The following ANKRD30A variants were observed in gnomAD, a reference collection of about 807,000 sequenced individuals.
The protein encoded by ANKRD30A is ankyrin repeat domain 30A.
ANKRD30A carries 170 observed loss-of-function variants against 166.3 expected under a neutral mutation model. The ratio of observed to expected loss-of-function variants is 1.02; its 90% CI spans 0.90 to 1.16. ANKRD30A has a LOEUF of 1.16. Among genes scored for constraint, ANKRD30A ranks in the 50% most tolerant of loss-of-function variants. The pLI is 0.00. For synonymous variants in ANKRD30A, 564 were observed against 508.9 expected (o/e 1.11, Z -1.46); for missense variants, 1,630 against 1,518.0 (o/e 1.07, Z -1.23).
chr10:37,204,863 T>G (rs1841885706), intron 31 of ANKRD30A, among the ~76,000 whole-genome samples: 1 of 152,104 alleles, frequency 6.6e-6, no homozygotes, highest in African/African-American at 2.4e-5. Flanking sequence ...CATCATCACC[T>G]GTCATCAGAG....
the ANKRD30A span, chr10:37,241,408 T>A: frequency 6.6e-6 from 1 of 151,534 alleles, no homozygotes; most frequent in African/African-American, 2.4e-5. Flanking sequence ...AAGGATAATA[T>A]TTTTATATCA....
chr10:37,162,674 C>G lies in ANKRD30A; in HGVS notation c.1926C>G (p.Phe642Leu), dbSNP rs557264466. 4 of 1,612,296 alleles carry G rather than the reference C, an allele frequency of 2.5e-6. No homozygotes were observed. In the Admixed American group the frequency reaches 5.0e-5, roughly 20 times the overall value. ...AGCCTCCGGGGAAGCCATCTGCCTT[C>G]GAGGTATTTAGTTTTATGATTTCAT... is the stretch of plus-strand genomic sequence containing the variant. ...KAEPPGKPSA[F>L]EPATEMQKSV... The change falls in exon 16 of 36, where the codon TTC becomes TTG. Residue 642 changes from phenylalanine to leucine, a missense_variant. Phe to Leu is a conservative substitution (Grantham distance 22). This residue lies in a region of ANKRD30A where 904 missense variants were observed against 818.5 expected (regional missense o/e 1.10). Coordinates refer to ENST00000361713, the MANE Select transcript of ANKRD30A (RefSeq NM_052997.3).
Position 37,193,175 on chromosome 10 carries a change from A to T in ANKRD30A, c.2542-11A>T, listed in dbSNP as rs1840745549. The T allele has an allele frequency of 1.2e-6, 2 of 1,611,660 alleles. No homozygotes were observed. The highest frequency in any genetic ancestry group is 1.7e-6 in the Non-Finnish European group (2 of 1,179,242). Reference sequence around the variant, plus strand: ...TTGTATATTAATTGTTTTGTTTCTAAACCCATTTAGGCTCCCTGCAGAATG... The same window carrying T: ...TTGTATATTAATTGTTTTGTTTCTATACCCATTTAGGCTCCCTGCAGAATG... On this transcript the variant is annotated splice_polypyrimidine_tract_variant and intron_variant, in intron 26 of 35. Transcript: ENST00000361713.
the ANKRD30A span, among the ~76,000 whole-genome samples, chr10:37,253,825 T>C: frequency 6.6e-6 from 1 of 151,980 alleles, no homozygotes; most frequent in African/African-American, 2.4e-5. Context: ...TTTTTTTTTG[T>C]ATTTTTAGTA....
intron 7 of ANKRD30A, 102 bp from the exon 8 acceptor site, chr10:37,144,893 A>C: frequency 1.2e-6 from 1 of 843,910 alleles, no homozygotes; most frequent in Non-Finnish European, 1.8e-6. Flanking sequence ...AGGCTATAGA[A>C]GTAAGTCCAC....
chr10:37,233,123 T>C (rs1307578087), downstream of ANKRD30A, among the ~76,000 whole-genome samples: 1 of 152,086 alleles, frequency 6.6e-6, no homozygotes, highest in Non-Finnish European at 1.5e-5. Flanking sequence ...CTTCATATTC[T>C]AAAAAATTCT....
At chr10:37,204,618 G>T (rs1180311594) in intron 31 of ANKRD30A, among the ~76,000 whole-genome samples, 1 of 152,162 alleles carries the variant, frequency 6.6e-6, no homozygotes, top group African/African-American at 2.4e-5. Flanking sequence ...ATTGACAAAT[G>T]GGATCTAATT....
the ANKRD30A span, among the ~76,000 whole-genome samples, chr10:37,246,385 C>A: frequency 1.3e-5 from 2 of 152,094 alleles, no homozygotes; most frequent in Non-Finnish European, 2.9e-5. Flanking sequence ...TGTTTTTATT[C>A]ATTGCTACTT....
intron 34 of ANKRD30A, among the ~76,000 whole-genome samples, chr10:37,230,533 A>G (rs535187601): frequency 2.0e-5 from 3 of 152,046 alleles, no homozygotes; most frequent in Admixed American, 6.6e-5. Flanking sequence ...TGACAGTAGT[A>G]TTGTCATTAA....
At chr10:37,250,729 C>T in the ANKRD30A span, among the ~76,000 whole-genome samples, 1 of 152,132 alleles carries the variant, frequency 6.6e-6, no homozygotes, top group Non-Finnish European at 1.5e-5. Flanking sequence ...CAAGAAGACA[C>T]CATCTATGAG....
chr10:37,237,054 T>C (rs1843699479), downstream of ANKRD30A, among the ~76,000 whole-genome samples: 3 of 152,260 alleles, frequency 2.0e-5, no homozygotes, highest in Non-Finnish European at 4.4e-5. Context: ...AACTATTTTT[T>C]AACCTGTTGC....
intron 31 of ANKRD30A, among the ~76,000 whole-genome samples, chr10:37,212,463 C>A (rs1238260437): frequency 6.6e-6 from 1 of 152,020 alleles, no homozygotes; most frequent in Non-Finnish European, 1.5e-5. Flanking sequence ...TTTATCGATT[C>A]AATGCCATCC....
intron 30 of ANKRD30A, among the ~76,000 whole-genome samples, chr10:37,200,602 T>G (rs1841542279): frequency 6.6e-6 from 1 of 152,106 alleles, no homozygotes. Context: ...TAATACTTAT[T>G]TGCTTTTATT....
rs543680636 is a variant in ANKRD30A at position 37,193,101 on chromosome 10, T to C, written c.2541+9T>C. On this transcript the variant is annotated intron_variant, in intron 26 of 35. Transcript: ENST00000361713. ...ATGATGGTTTTCTGAAGGTAATAACTTTTATATTTTTATCTTGAGTATTAA... is the reference window on the plus strand; with the variant it reads ...ATGATGGTTTTCTGAAGGTAATAACCTTTATATTTTTATCTTGAGTATTAA... 4 of 1,603,242 alleles carry C rather than the reference T, an allele frequency of 2.5e-6. No individual in the cohort carries two copies. The highest frequency in any genetic ancestry group is 2.6e-6 in the Non-Finnish European group (3 of 1,171,200).
chr10:37,217,322 A>G lies in ANKRD30A; in HGVS notation c.3084-373A>G, dbSNP rs148676920. On this transcript the variant is annotated intron_variant, in intron 32 of 35. Transcript: ENST00000361713. ...AAAAAGTAATCAGTTAACTTTAATC[A>G]GTCACTTTAATCAGTTAACTCTAAA... is the stretch of plus-strand genomic sequence containing the variant. Among the ~76,000 whole-genome samples, 1,359 of 151,116 alleles carry G rather than the reference A, an allele frequency of 9.0e-3. 56 individuals carry two copies. Among genetic ancestry groups the G allele is most frequent in the Admixed American group, 0.072 (1,081 of 15,096 alleles).
intron 25 of ANKRD30A, among the ~76,000 whole-genome samples, chr10:37,190,548 A>T (rs915439543): frequency 6.6e-6 from 1 of 151,876 alleles, no homozygotes; most frequent in African/African-American, 2.4e-5. Flanking sequence ...GAATGGGAAG[A>T]ATCAAGAGCA....
chr10:37,160,352 C>A (rs1838755411), intron 15 of ANKRD30A, among the ~76,000 whole-genome samples: 1 of 152,122 alleles, frequency 6.6e-6, no homozygotes, highest in African/African-American at 2.4e-5. Flanking sequence ...AAAATTATGA[C>A]ATTGTGACAT....
At chr10:37,198,047 C>T (rs1050830364) in intron 29 of ANKRD30A, among the ~76,000 whole-genome samples, 1 of 151,922 alleles carries the variant, frequency 6.6e-6, no homozygotes, top group African/African-American at 2.4e-5. Context: ...TTATTCATTT[C>T]TTTGTGAATA....
At chr10:37,191,258 A>C (rs1248937171) in intron 25 of ANKRD30A, among the ~76,000 whole-genome samples, 1 of 151,660 alleles carries the variant, frequency 6.6e-6, no homozygotes, top group Non-Finnish European at 1.5e-5. Flanking sequence ...ATACTATTCC[A>C]GTATATGGGT....
Sources: allele counts gnomAD v4.1 joint callset (sites outside exome capture counted in the v4.1 genomes callset), GRCh38; gene constraint gnomAD v4.1.1; regional missense constraint gnomAD v4.1.1; transcripts MANE v1.5; gene names NCBI Gene and HGNC (gene_info 2026-07-23, HGNC 2026-07-21).